The following NSD3 variants were observed in gnomAD, a reference collection of about 807,000 sequenced individuals.
The protein encoded by NSD3 is histone-lysine N-methyltransferase NSD3.
In NSD3, 24 loss-of-function variants were observed where a neutral mutation model predicts 160.8. The ratio of observed to expected loss-of-function variants is 0.15; its 90% CI spans 0.11 to 0.21. The LOEUF (loss-of-function observed/expected upper bound fraction) is 0.21, where lower values mean the gene tolerates loss of function less well. Among genes scored for constraint, NSD3 ranks in the 10% least tolerant of loss-of-function variants. NSD3 has a pLI of 1.00. For synonymous variants in NSD3, 520 were observed against 600.0 expected (o/e 0.87, Z 1.95); for missense variants, 1,157 against 1,735.9 (o/e 0.67, Z 5.93).
intron 12 of NSD3, among the ~76,000 whole-genome samples, chr8:38,309,985 T>C (rs986146305): frequency 2.0e-5 from 3 of 152,202 alleles, no homozygotes; most frequent in African/African-American, 7.2e-5. Context: ...ACCAAATAGG[T>C]ACTAAACTAA....
rs145666271 is a variant in NSD3 at position 38,355,171 on chromosome 8, C to A, written c.-44-6956G>T. 3.5e-3 allele frequency among the ~76,000 whole-genome samples: 539 copies of A among 152,184 alleles called. 4 individuals are homozygous for A. Among genetic ancestry groups the A allele is most frequent in the Non-Finnish European group, 5.3e-3 (360 of 67,988 alleles). Reference sequence around the variant, plus strand: ...TCAAACTAAGTTCAAAAGCATACTTCAAGTCCTGCTGGCTGTGTGACTTCA... The same window carrying A: ...TCAAACTAAGTTCAAAAGCATACTTAAAGTCCTGCTGGCTGTGTGACTTCA... On this transcript the variant is annotated intron_variant, in intron 1 of 23. Coordinates refer to ENST00000317025, the MANE Select transcript of NSD3 (RefSeq NM_023034.2).
At chr8:38,281,926 G>A (rs568911091) in intron 19 of NSD3, among the ~76,000 whole-genome samples, 3 of 152,232 alleles carry the variant, frequency 2.0e-5, no homozygotes, top group East Asian at 1.9e-4. Context: ...TGCAGGTTTC[G>A]GGGTGAGACC....
rs1486491858 is a variant in NSD3 at position 38,329,666 on chromosome 8, T to G, written c.1293A>C (p.Glu431Asp). 3 of 1,614,152 alleles carry G rather than the reference T, an allele frequency of 1.9e-6. No individual in the cohort carries two copies. Among genetic ancestry groups the G allele is most frequent in the Non-Finnish European group, 2.5e-6 (3 of 1,180,054 alleles). The change falls in exon 6 of 24, where the codon GAA becomes GAC. Residue 431 changes from glutamate to aspartate, a missense_variant. Transcript: ENST00000317025. This position sits in a 1 kb window ranked among gnomAD's most constrained non-coding sequence, Gnocchi z 4.8. ...AGGCCACCTCCCCTGCATTGGTCTG[T>G]TCTGGCTGAGTATTCAGCACAGATC... Reference protein sequence around the residue: ...RPRSVLNTQPEQTNAGEVASS... With the variant: ...RPRSVLNTQPDQTNAGEVASS...
intron 3 of NSD3, among the ~76,000 whole-genome samples, chr8:38,337,789 A>T (rs1238634653): frequency 3.9e-5 from 6 of 152,142 alleles, no homozygotes; most frequent in Non-Finnish European, 8.8e-5. Flanking sequence ...GATACAGGAA[A>T]GGGTCAAAAA....
At chr8:38,289,645 G>A in intron 17 of NSD3, 140 bp from the exon 18 acceptor site, 1 of 730,594 alleles carries the variant, frequency 1.4e-6, no homozygotes, top group South Asian at 1.9e-5. Flanking sequence ...GGAAGTTACT[G>A]TTTACCACCA....
In NSD3 at chr8:38,347,779, T is replaced by C. The variant is rs1162121621; in HGVS notation, c.393A>G (p.Pro131=). ...GTACCGAAGGAGGAGGTGGTGGCTG[T>C]GGAGGGGAAGGTTTTTCCAGAATTT... ...PHEILEKPSP[P]QPPPPPSVPQ... The change falls in exon 2 of 24, where the codon CCA becomes CCG. Residue 131 remains proline, a synonymous_variant. Coordinates refer to ENST00000317025, the MANE Select transcript of NSD3 (RefSeq NM_023034.2). 6.2e-7 allele frequency: 1 copy of C among 1,613,416 alleles called. No individual in the cohort carries two copies. Among genetic ancestry groups the C allele is most frequent in the Non-Finnish European group, 8.5e-7 (1 of 1,180,030 alleles).
chr8:38,302,534 G>A (rs896939252), intron 14 of NSD3, among the ~76,000 whole-genome samples: 1 of 152,184 alleles, frequency 6.6e-6, no homozygotes, highest in South Asian at 2.1e-4. Flanking sequence ...CCGTCAAATT[G>A]TTAAGATGTA....
At chr8:38,314,869 A>C (rs1809619647) in intron 11 of NSD3, 96 bp from the exon 12 acceptor site, 2 of 1,351,048 alleles carry the variant, frequency 1.5e-6, no homozygotes, top group Non-Finnish European at 2.0e-6. Flanking sequence ...TCCCTCACCC[A>C]CAGACTGTGA....
chr8:38,297,418 CT>C (rs777666333), intron 15 of NSD3, among the ~76,000 whole-genome samples: 1 of 152,124 alleles, frequency 6.6e-6, no homozygotes, highest in Non-Finnish European at 1.5e-5. Context: ...AAAAATTGAT[CT>C]TTTCATTGGA....
At chr8:38,325,551 CTA>C (rs766063986) in intron 7 of NSD3, among the ~76,000 whole-genome samples, 26 of 152,188 alleles carry the variant, frequency 1.7e-4, no homozygotes, top group Non-Finnish European at 3.2e-4. Context: ...AATTGAAACT[CTA>C]AAATCCTTAG....
intron 1 of NSD3, among the ~76,000 whole-genome samples, chr8:38,378,671 A>G (rs1483040118): frequency 6.6e-6 from 1 of 151,966 alleles, no homozygotes; most frequent in East Asian, 1.9e-4. Flanking sequence ...AAAAACACAA[A>G]AATTAGAAGG....
chr8:38,373,098 G>A (rs893524442), intron 1 of NSD3, among the ~76,000 whole-genome samples: 7 of 151,748 alleles, frequency 4.6e-5, no homozygotes, highest in Non-Finnish European at 1.5e-5. Context: ...AAAAACCAAG[G>A]ACATCAATAC....
At position 38,317,112 on chromosome 8, in the gene NSD3, GGC is replaced by G. The variant is rs1376792959; in HGVS notation, c.1856-1072_1856-1071del. On this transcript the variant is annotated intron_variant, in intron 9 of 23. Coordinates refer to ENST00000317025, the MANE Select transcript of NSD3 (RefSeq NM_023034.2). This position sits in a 1 kb window ranked among gnomAD's most constrained non-coding sequence, Gnocchi z 5.3. ...GCCCATGGAGAAACAAGTCTCCTGA[GGC>G]CATGAAGATCCGCAACAGGCTGAGT... The G allele has an allele frequency of 1.9e-6, 2 of 1,062,212 alleles. No individual in the cohort carries two copies. Among genetic ancestry groups the G allele is most frequent in the Admixed American group, 5.4e-5 (1 of 18,642 alleles). The allele number at this position is 1,062,212 out of a possible 1,614,324, so 65.8% of individuals were successfully genotyped here.
At chr8:38,333,852 C>A (rs530710068) in intron 4 of NSD3, among the ~76,000 whole-genome samples, 4 of 151,424 alleles carry the variant, frequency 2.6e-5, no homozygotes, top group South Asian at 4.2e-4. Flanking sequence ...CCGGCCTGGG[C>A]GACAGAGCGA....
intron 2 of NSD3, among the ~76,000 whole-genome samples, chr8:38,344,503 AC>A (rs1207368044): frequency 1.3e-5 from 2 of 152,140 alleles, no homozygotes; most frequent in African/African-American, 4.8e-5. Context: ...TGAACTCCTG[AC>A]CTTAAGTGAT....
At chr8:38,331,810 A>C (rs1415556214) in intron 4 of NSD3, among the ~76,000 whole-genome samples, 1 of 152,222 alleles carries the variant, frequency 6.6e-6, no homozygotes, top group Non-Finnish European at 1.5e-5. Context: ...CCTGGGTGAC[A>C]GAGCAAGACT....
In NSD3 at chr8:38,340,267, C is replaced by G. The variant is rs139753285; in HGVS notation, c.676-1660G>C. 2.5e-3 allele frequency among the ~76,000 whole-genome samples: 388 copies of G among 152,220 alleles called. 1 individual carries two copies. The highest frequency in any genetic ancestry group is 6.8e-3 in the Middle Eastern group (2 of 292). On this transcript the variant is annotated intron_variant, in intron 2 of 23. Coordinates refer to ENST00000317025, the MANE Select transcript of NSD3 (RefSeq NM_023034.2). ...CTAAAAGCTACTTAAAATTCTCATT[C>G]TATTATTTCAAAACATTTAAAGACA...
chr8:38,343,652 G>A (rs1192457479), intron 2 of NSD3, among the ~76,000 whole-genome samples: 4 of 152,134 alleles, frequency 2.6e-5, no homozygotes, highest in East Asian at 1.9e-4. Flanking sequence ...GCAGTGAGCC[G>A]AGACTGCACC....
intron 8 of NSD3, 157 bp downstream of exon 8, chr8:38,320,915 T>G (rs1809783582): frequency 6.9e-6 from 4 of 581,550 alleles, no homozygotes; most frequent in African/African-American, 3.8e-5. Context: ...ATGGCTGTAT[T>G]AAAACTGAGC....
Sources: gnomAD v4.1 joint callset for allele counts (sites outside exome capture counted in the v4.1 genomes callset) on GRCh38, gnomAD v4.1.1 for gene constraint, Gnocchi (gnomAD v3.1) non-coding constraint, MANE v1.5 for transcripts, NCBI Gene and HGNC (gene_info 2026-07-23, HGNC 2026-07-21) for gene names.